The following AGTPBP1 variants were observed in gnomAD, a reference collection of about 807,000 sequenced individuals.
The protein encoded by AGTPBP1 is ATP/GTP binding carboxypeptidase 1.
A neutral mutation model predicts 143.9 loss-of-function variants in AGTPBP1; 70 were observed. That is an observed-to-expected ratio of 0.49 (90% CI 0.40 to 0.59). The LOEUF (loss-of-function observed/expected upper bound fraction) is 0.59, where lower values mean the gene tolerates loss of function less well. AGTPBP1 is among the 20% of genes least tolerant of loss of function. The pLI, the probability that AGTPBP1 is intolerant of heterozygous loss-of-function variation, is 0.00. For synonymous variants in AGTPBP1, 463 were observed against 500.2 expected (o/e 0.93, Z 0.99); for missense variants, 1,229 against 1,464.5 (o/e 0.84, Z 2.62).
At chr9:85,691,536 G>GGTGTGTGTGTGTGTGTGTGT (rs58713865) in intron 3 of AGTPBP1, among the ~76,000 whole-genome samples, 3 of 144,480 alleles carry the variant, frequency 2.1e-5, no homozygotes, top group African/African-American at 7.6e-5. Flanking sequence ...AAAAAAAGAG[G>GGTGTGTGTGTGTGTGTGTGT]GTGTGTGTGT....
intron 18 of AGTPBP1, among the ~76,000 whole-genome samples, chr9:85,593,472 T>C (rs1228638879): frequency 1.3e-5 from 2 of 152,170 alleles, no homozygotes; most frequent in Non-Finnish European, 2.9e-5. Context: ...AATAAAACTA[T>C]AAAACACCAT....
chr9:85,782,609 G>C, the AGTPBP1 span, among the ~76,000 whole-genome samples: 1 of 152,144 alleles, frequency 6.6e-6, no homozygotes, highest in African/African-American at 2.4e-5. Flanking sequence ...GGATAGGCTG[G>C]GGTCTGCTAA....
intron 2 of AGTPBP1, among the ~76,000 whole-genome samples, chr9:85,707,926 TA>T (rs1373039537): frequency 6.9e-6 from 1 of 144,214 alleles, no homozygotes; most frequent in African/African-American, 2.6e-5. Context: ...GGTGGGGGGC[TA>T]GGGGAGGGAT....
intron 25 of AGTPBP1, among the ~76,000 whole-genome samples, chr9:85,569,818 T>G (rs1182073816): frequency 6.6e-6 from 1 of 152,204 alleles, no homozygotes; most frequent in Non-Finnish European, 1.5e-5. Flanking sequence ...TTTGAATTAA[T>G]ACATTTTTCA....
intron 2 of AGTPBP1, among the ~76,000 whole-genome samples, chr9:85,708,336 A>G (rs969605447): frequency 1.3e-4 from 20 of 152,042 alleles, no homozygotes; most frequent in African/African-American, 4.8e-4. Context: ...AAGATGCTCA[A>G]TTTATTTATA....
At chr9:85,782,382 G>C in the AGTPBP1 span, among the ~76,000 whole-genome samples, 2 of 152,136 alleles carry the variant, frequency 1.3e-5, no homozygotes, top group Non-Finnish European at 2.9e-5. Flanking sequence ...AGGTGTGGTG[G>C]TGCATGCCTG....
intron 14 of AGTPBP1, among the ~76,000 whole-genome samples, chr9:85,626,127 T>C (rs902493740): frequency 4.6e-5 from 7 of 152,008 alleles, no homozygotes; most frequent in Non-Finnish European, 7.4e-5. Flanking sequence ...ACCAAAAATA[T>C]AGGTTTAAGT....
chr9:85,764,908 A>G, the AGTPBP1 span: 4 of 1,113,536 alleles, frequency 3.6e-6, no homozygotes, highest in African/African-American at 1.5e-5. Flanking sequence ...TAAAAATGGT[A>G]GAGTGTTATC....
chr9:85,646,719 T>G lies in AGTPBP1; in HGVS notation c.1088-301A>C, dbSNP rs78113377. ...GAAACATCCTGTTTTCTATTTATTA[T>G]AAATTTCAATGACTCACTTCATCCC... On this transcript the variant is annotated intron_variant, in intron 11 of 25. Coordinates refer to ENST00000357081, the MANE Select transcript of AGTPBP1 (RefSeq NM_001330701.2). Among the ~76,000 whole-genome samples the G allele has an allele frequency of 0.013, 2,014 of 152,322 alleles. 122 individuals carry two copies. The East Asian group carries it at 0.19, about 14-fold the overall frequency.
chr9:85,632,845 A>G lies in AGTPBP1; in HGVS notation c.1832T>C (p.Val611Ala). 1 of 1,614,176 alleles carries G rather than the reference A, an allele frequency of 6.2e-7. No homozygotes were observed. ...AGGTACTTCAACCGATGCTTGTTCT[A>G]CCGATGAATTTGACTCAGTATCTTC... ...DDEDTESNSS[V>A]EQASVEVPDG... The change falls in exon 14 of 26, where the codon GTA becomes GCA. Residue 611 changes from valine to alanine, a missense_variant. Around this residue, in one of 2 missense-constraint regions of AGTPBP1, gnomAD observed 743 missense variants for 812.2 expected, o/e 0.91. Coordinates refer to ENST00000357081, the MANE Select transcript of AGTPBP1 (RefSeq NM_001330701.2).
At chr9:85,705,749 G>A (rs1836948936) in intron 2 of AGTPBP1, among the ~76,000 whole-genome samples, 2 of 152,058 alleles carry the variant, frequency 1.3e-5, no homozygotes, top group Non-Finnish European at 2.9e-5. Context: ...GGAGTGCAGT[G>A]GCATGATCTC....
At chr9:85,681,518 A>G (rs1835173686) in intron 3 of AGTPBP1, among the ~76,000 whole-genome samples, 183 bp from the exon 4 acceptor site, 1 of 152,152 alleles carries the variant, frequency 6.6e-6, no homozygotes, top group African/African-American at 2.4e-5. Flanking sequence ...TCGAGATATC[A>G]GTTAACATGG....
intron 2 of AGTPBP1, among the ~76,000 whole-genome samples, chr9:85,700,134 ATC>A (rs1227652340): frequency 1.3e-5 from 2 of 152,146 alleles, no homozygotes; most frequent in African/African-American, 4.8e-5. Flanking sequence ...AAAGCAAATC[ATC>A]TCTCAGTACT....
At chr9:85,611,657 G>T (rs1830324395) in intron 17 of AGTPBP1, among the ~76,000 whole-genome samples, 1 of 152,132 alleles carries the variant, frequency 6.6e-6, no homozygotes, top group Non-Finnish European at 1.5e-5. Flanking sequence ...ATAGAAAGTT[G>T]AATAGATGTA....
intron 5 of AGTPBP1, among the ~76,000 whole-genome samples, chr9:85,677,928 T>C (rs1345728743): frequency 6.6e-6 from 1 of 152,110 alleles, no homozygotes; most frequent in East Asian, 1.9e-4. Flanking sequence ...CTCTTGAACC[T>C]AGGAGGCAGA....
Position 85,704,478 on chromosome 9 carries a change from T to C in AGTPBP1, c.32+8024A>G, listed in dbSNP as rs575476144. Among the ~76,000 whole-genome samples the C allele has an allele frequency of 2.6e-5, 4 of 152,274 alleles. 1 individual carries two copies. The highest frequency in any genetic ancestry group is 7.2e-5 in the African/African-American group (3 of 41,552). On this transcript the variant is annotated intron_variant, in intron 2 of 25. Transcript: ENST00000357081. ...CACCAATCAAAATTTTAAAATCTCA[T>C]GATTAGCAGAACACTGGATAGAGTA...
chr9:85,655,867 A>T (rs187663008), intron 10 of AGTPBP1, among the ~76,000 whole-genome samples: 92 of 152,222 alleles, frequency 6.0e-4, no homozygotes, highest in African/African-American at 2.0e-3. Flanking sequence ...TCGCTCTGTC[A>T]CCCAGGCTGG....
At chr9:85,599,473 A>G in intron 17 of AGTPBP1, among the ~76,000 whole-genome samples, 1 of 151,906 alleles carries the variant, frequency 6.6e-6, no homozygotes, top group East Asian at 1.9e-4. Flanking sequence ...ACGCTTTTCA[A>G]TTCTACTTTT....
chr9:85,750,392 C>A, the AGTPBP1 span, among the ~76,000 whole-genome samples: 2 of 152,102 alleles, frequency 1.3e-5, no homozygotes, highest in African/African-American at 4.8e-5. Context: ...TAACATTTTT[C>A]TTTATTTAGT....
Sources: gnomAD v4.1 joint callset for allele counts (sites outside exome capture counted in the v4.1 genomes callset) on GRCh38, gnomAD v4.1.1 for gene constraint, gnomAD v4.1.1 regional missense constraint, MANE v1.5 for transcripts, NCBI Gene and HGNC (gene_info 2026-07-23, HGNC 2026-07-21) for gene names.